SNTG1: variants seen among roughly 807,000 people sequenced by gnomAD.
The protein encoded by SNTG1 is syntrophin gamma 1.
SNTG1 carries 39 observed loss-of-function variants against 74.7 expected under a neutral mutation model. The observed-to-expected ratio is 0.52, with a 90% CI of 0.40 to 0.68. The LOEUF is 0.68. Among genes scored for constraint, SNTG1 ranks in the 30% least tolerant of loss-of-function variants. The probability of loss-of-function intolerance (pLI) is 0.00; values close to 1 mark genes in which losing one functional copy is unlikely to be tolerated. For synonymous variants in SNTG1, 254 were observed against 217.1 expected (o/e 1.17, Z -1.49); for missense variants, 685 against 609.5 (o/e 1.12, Z -1.30).
At chr8:50,634,302 C>T (rs560320191) in intron 13 of SNTG1, among the ~76,000 whole-genome samples, 7 of 152,170 alleles carry the variant, frequency 4.6e-5, no homozygotes, top group African/African-American at 1.2e-4. Context: ...TTCTGTGGGG[C>T]GGCTAACTGT....
intron 17 of SNTG1, among the ~76,000 whole-genome samples, chr8:50,713,056 G>A (rs1275061490): frequency 1.3e-5 from 2 of 152,122 alleles, no homozygotes; most frequent in African/African-American, 4.8e-5. Flanking sequence ...TCTGGTTCTA[G>A]GTCCTTGAGG....
At chr8:50,713,521 T>A (rs1397946490) in intron 17 of SNTG1, among the ~76,000 whole-genome samples, 1 of 152,206 alleles carries the variant, frequency 6.6e-6, no homozygotes, top group East Asian at 1.9e-4. Context: ...ATCCCATTTG[T>A]CAAGCTTGGC....
intron 1 of SNTG1, among the ~76,000 whole-genome samples, chr8:50,131,332 A>G (rs2081310519): frequency 6.6e-6 from 1 of 152,092 alleles, no homozygotes; most frequent in Non-Finnish European, 1.5e-5. Context: ...TGGAGGTATA[A>G]TTGAAAAATA....
intron 4 of SNTG1, among the ~76,000 whole-genome samples, chr8:50,403,157 C>T (rs181083750): frequency 1.3e-5 from 2 of 152,180 alleles, no homozygotes; most frequent in Non-Finnish European, 2.9e-5. Flanking sequence ...ATGTAGTCTG[C>T]TCCCTGCTTT....
At chr8:50,239,799 T>C (rs1225918284) in intron 2 of SNTG1, among the ~76,000 whole-genome samples, 1 of 152,226 alleles carries the variant, frequency 6.6e-6, no homozygotes, top group African/African-American at 2.4e-5. Context: ...GCTTATGCTA[T>C]TGTTTCATTT....
At chr8:50,206,084 G>C (rs941121785) in intron 2 of SNTG1, among the ~76,000 whole-genome samples, 3 of 152,178 alleles carry the variant, frequency 2.0e-5, no homozygotes, top group African/African-American at 7.2e-5. Context: ...CTTTAAAGTA[G>C]TTTTTTCCGA....
At chr8:50,707,299 G>A (rs900969786) in intron 16 of SNTG1, among the ~76,000 whole-genome samples, 2 of 151,994 alleles carry the variant, frequency 1.3e-5, no homozygotes, top group Non-Finnish European at 2.9e-5. Context: ...TCTAAATTAG[G>A]AGAAAATTTT....
chr8:50,479,289 A>ACTTGGGCATTGAGGGACT (rs2093721060), intron 8 of SNTG1, among the ~76,000 whole-genome samples: 1 of 152,122 alleles, frequency 6.6e-6, no homozygotes, highest in Admixed American at 6.6e-5. Flanking sequence ...ATTTAATAGA[A>ACTTGGGCATTGAGGGACT]CTTGGGCATT....
At chr8:50,495,706 C>T (rs1379104055) in intron 8 of SNTG1, among the ~76,000 whole-genome samples, 2 of 152,072 alleles carry the variant, frequency 1.3e-5, no homozygotes, top group African/African-American at 2.4e-5. Context: ...TTAAGAAGGC[C>T]TTATCTCCTG....
chr8:50,627,017 T>C (rs1041181478), intron 13 of SNTG1, among the ~76,000 whole-genome samples: 1 of 152,190 alleles, frequency 6.6e-6, no homozygotes, highest in East Asian at 1.9e-4. Context: ...ATGTTTTTAT[T>C]TGTGTATTGA....
intron 1 of SNTG1, among the ~76,000 whole-genome samples, chr8:49,978,094 C>T (rs370636098): frequency 2.0e-5 from 3 of 152,186 alleles, no homozygotes; most frequent in South Asian, 2.1e-4. Flanking sequence ...ACCTAATGGA[C>T]GTTGGGATGT....
chr8:50,397,703 G>T (rs1055409382), intron 3 of SNTG1, among the ~76,000 whole-genome samples: 1 of 152,192 alleles, frequency 6.6e-6, no homozygotes, highest in Non-Finnish European at 1.5e-5. Flanking sequence ...ATGCTCTCCA[G>T]TGAAAGATGC....
intron 8 of SNTG1, among the ~76,000 whole-genome samples, chr8:50,464,214 A>T (rs565895280): frequency 1.3e-4 from 20 of 152,232 alleles, no homozygotes; most frequent in African/African-American, 4.8e-4. Context: ...CTTTCTCACC[A>T]TTTGCATCTT....
At position 50,402,296 on chromosome 8, in the gene SNTG1, C is replaced by G. The variant is rs376252497; in HGVS notation, c.114C>G (p.Ile38Met). 1.2e-6 allele frequency: 2 copies of G among 1,613,630 alleles called. No homozygotes were observed. Among genetic ancestry groups the G allele is most frequent in the Non-Finnish European group, 1.7e-6 (2 of 1,179,916 alleles). ...RLHLAKDILM[I>M]QEQDVICVSG... The stretch of plus-strand genomic sequence containing the variant: ...ACCTAGCCAAAGACATTTTGATGAT[C>G]CAGGAACAGGATGTGATATGTGTGT... Residue 38 changes from isoleucine (I) to methionine (M), a missense_variant, in exon 4 of 19, where the codon ATC (isoleucine) becomes ATG (methionine). By Grantham distance (10) the Ile-to-Met change is conservative. Coordinates refer to ENST00000642720, the MANE Select transcript of SNTG1 (RefSeq NM_018967.5).
chr8:50,203,095 T>C (rs76871262), intron 2 of SNTG1, among the ~76,000 whole-genome samples: 2,549 of 152,208 alleles, frequency 0.017, 64 homozygotes, highest in African/African-American at 0.052. Flanking sequence ...ATTATATATT[T>C]TTTGCTTTTT....
At chr8:50,171,612 A>T (rs1198937104) in intron 1 of SNTG1, among the ~76,000 whole-genome samples, 2 of 152,188 alleles carry the variant, frequency 1.3e-5, no homozygotes, top group Non-Finnish European at 2.9e-5. Context: ...CCTTCAATCC[A>T]ATTAAGTTGA....
chr8:50,461,105 G>C (rs1218577047), intron 8 of SNTG1, among the ~76,000 whole-genome samples: 1 of 150,224 alleles, frequency 6.7e-6, no homozygotes, highest in Non-Finnish European at 1.5e-5. Flanking sequence ...AAAGTTTTAA[G>C]TAGTACTGGC....
intron 13 of SNTG1, among the ~76,000 whole-genome samples, chr8:50,631,794 G>T (rs903476061): frequency 6.6e-6 from 1 of 152,126 alleles, no homozygotes; most frequent in Non-Finnish European, 1.5e-5. Flanking sequence ...TGGTTTAAGA[G>T]ACCTATTCAT....
intron 1 of SNTG1, among the ~76,000 whole-genome samples, chr8:49,986,655 T>C (rs2130238216): frequency 6.6e-6 from 1 of 151,480 alleles, no homozygotes; most frequent in Non-Finnish European, 1.5e-5. Flanking sequence ...GGCAGATTGC[T>C]TGAGCTCAGG....
Sources: allele counts gnomAD v4.1 joint callset (sites outside exome capture counted in the v4.1 genomes callset), GRCh38; gene constraint gnomAD v4.1.1; transcripts MANE v1.5; gene names NCBI Gene and HGNC (gene_info 2026-07-23, HGNC 2026-07-21).